Variants in TERB1 observed in about 807,000 individuals in gnomAD.
TERB1 encodes telomere repeats-binding bouquet formation protein 1.
A neutral mutation model predicts 92.3 loss-of-function variants in TERB1; 63 were observed. The observed-to-expected ratio is 0.68, with a 90% CI of 0.56 to 0.84. The LOEUF is 0.84. Ranked by LOEUF, TERB1 falls within the 40% of genes least tolerant of loss-of-function variation. The pLI is 0.00. For synonymous variants in TERB1, 252 were observed against 283.9 expected (o/e 0.89, Z 1.13); for missense variants, 709 against 843.7 (o/e 0.84, Z 1.98).
chr16:66,772,838 C>T, intron 12 of TERB1, 89 bp from the exon 13 acceptor site: 1 of 1,028,520 alleles, frequency 9.7e-7, no homozygotes, highest in South Asian at 1.8e-5. Flanking sequence ...TCTCCTTTCT[C>T]TAAATTTTTC....
intron 6 of TERB1, 124 bp from the exon 7 acceptor site, chr16:66,786,409 A>G: frequency 1.5e-6 from 1 of 678,254 alleles, no homozygotes; most frequent in Non-Finnish European, 2.5e-6. Flanking sequence ...ACAAAGTATA[A>G]CATAGAATTA....
chr16:66,762,550 A>T (rs1019435305), intron 16 of TERB1, among the ~76,000 whole-genome samples: 7 of 151,764 alleles, frequency 4.6e-5, no homozygotes, highest in Admixed American at 3.9e-4. Context: ...ACACCTGGCT[A>T]ATTTTTTATT....
At chr16:66,772,844 T>G in intron 12 of TERB1, 95 bp from the exon 13 acceptor site, 1 of 984,480 alleles carries the variant, frequency 1.0e-6, no homozygotes, top group Non-Finnish European at 1.5e-6. Context: ...TTCTCTAAAT[T>G]TTTCCATCCA....
At chr16:66,796,700 C>G in intron 3 of TERB1, 68 bp downstream of exon 3, 1 of 1,065,190 alleles carries the variant, frequency 9.4e-7, no homozygotes, top group East Asian at 2.6e-5. Flanking sequence ...TGGATCCTGT[C>G]AGATAATCTA....
intron 9 of TERB1, among the ~76,000 whole-genome samples, chr16:66,784,277 T>C (rs1316238117): frequency 6.6e-6 from 1 of 152,138 alleles, no homozygotes; most frequent in Non-Finnish European, 1.5e-5. Flanking sequence ...ATGCTTATTT[T>C]AACTTACTTG....
At chr16:66,801,856 A>G (rs962505148), upstream of TERB1, among the ~76,000 whole-genome samples, 4 of 152,206 alleles carry the variant, frequency 2.6e-5, no homozygotes, top group Admixed American at 6.5e-5. Flanking sequence ...AGGCCTGGCT[A>G]TGGGACGGTG....
At chr16:66,771,675 A>G (rs1208302717) in intron 13 of TERB1, among the ~76,000 whole-genome samples, 2 of 137,054 alleles carry the variant, frequency 1.5e-5, no homozygotes, top group Non-Finnish European at 3.1e-5. Context: ...ACACACACAC[A>G]CACACGGGTA....
At chr16:66,759,797 C>CAAA (rs762588462) in intron 16 of TERB1, among the ~76,000 whole-genome samples, 7 of 30,718 alleles carry the variant, frequency 2.3e-4, no homozygotes, top group African/African-American at 8.6e-4. Context: ...GACTCTGTCT[C>CAAA]AAAAAAAAAA....
intron 17 of TERB1, 72 bp downstream of exon 17, chr16:66,759,069 T>C: frequency 7.9e-7 from 1 of 1,260,574 alleles, no homozygotes; most frequent in Non-Finnish European, 1.1e-6. Context: ...GTTTTTAATA[T>C]ATTTAATGCT....
intron 12 of TERB1, among the ~76,000 whole-genome samples, chr16:66,774,683 C>CCTTTTTT (rs386384962): frequency 2.5e-5 from 1 of 40,218 alleles, no homozygotes; most frequent in Admixed American, 2.9e-4. Flanking sequence ...CTCTGATTTT[C>CCTTTTTT]TTTTTTTTTT....
chr16:66,754,912 A>C lies in TERB1; in HGVS notation c.*64T>G. ...TCATGAGAGTTTAGAAAAATACTTT[A>C]AATGTATCTTTCAAGGCACTGTATT... On this transcript the variant is annotated 3_prime_UTR_variant, in exon 19 of 19. Coordinates refer to ENST00000433154, the MANE Select transcript of TERB1 (RefSeq NM_001136505.2). The C allele has an allele frequency of 7.3e-7, 1 of 1,362,958 alleles. No individual in the cohort carries two copies. Among genetic ancestry groups the C allele is most frequent in the Non-Finnish European group, 1.0e-6 (1 of 999,732 alleles). The allele number at this position is 1,362,958 out of a possible 1,614,324, so 84.4% of individuals were successfully genotyped here.
intron 2 of TERB1, among the ~76,000 whole-genome samples, chr16:66,799,248 G>T (rs1414164036): frequency 6.6e-6 from 1 of 151,670 alleles, no homozygotes; most frequent in Non-Finnish European, 1.5e-5. Context: ...TTTTTCTTTG[G>T]ATGGAGTCTC....
intron 9 of TERB1, among the ~76,000 whole-genome samples, chr16:66,784,142 T>C (rs1287203153): frequency 6.6e-6 from 1 of 152,218 alleles, no homozygotes; most frequent in Non-Finnish European, 1.5e-5. Context: ...CTGAGCTTTC[T>C]CTCATTACTT....
At chr16:66,758,869 T>C (rs1239587162) in intron 17 of TERB1, 31 bp from the exon 18 acceptor site, 4 of 1,391,220 alleles carry the variant, frequency 2.9e-6, no homozygotes, top group Non-Finnish European at 3.0e-6. Flanking sequence ...TTAGCACATT[T>C]AGCGTATCAA....
chr16:66,777,110 T>A, intron 11 of TERB1, 93 bp downstream of exon 11: 1 of 1,221,360 alleles, frequency 8.2e-7, no homozygotes, highest in Non-Finnish European at 1.1e-6. Flanking sequence ...GCAATACTTT[T>A]AAGACCTTCA....
intron 3 of TERB1, among the ~76,000 whole-genome samples, chr16:66,795,260 A>C (rs1482132611): frequency 6.6e-6 from 1 of 152,146 alleles, no homozygotes; most frequent in Non-Finnish European, 1.5e-5. Context: ...ATTAGATACC[A>C]CTTCACCCTG....
At chr16:66,762,704 G>A (rs1350907887) in intron 16 of TERB1, among the ~76,000 whole-genome samples, 1 of 147,764 alleles carries the variant, frequency 6.8e-6, no homozygotes, top group African/African-American at 2.5e-5. Flanking sequence ...TTTTTTCTGA[G>A]ATAGTGTCTC....
intron 17 of TERB1, 129 bp downstream of exon 17, chr16:66,759,012 T>C: frequency 1.0e-5 from 10 of 997,932 alleles, no homozygotes; most frequent in Admixed American, 3.0e-5. Context: ...CTTCAATTAC[T>C]TGTTGCTTAG....
intron 2 of TERB1, among the ~76,000 whole-genome samples, chr16:66,798,120 A>G (rs1247302902): frequency 6.6e-6 from 1 of 151,968 alleles, no homozygotes; most frequent in African/African-American, 2.4e-5. Context: ...TGTTTAAAGA[A>G]ATAACAAATG....
Sources: gnomAD v4.1 joint callset for allele counts (sites outside exome capture counted in the v4.1 genomes callset) on GRCh38, gnomAD v4.1.1 for gene constraint, MANE v1.5 for transcripts, NCBI Gene and HGNC (gene_info 2026-07-23, HGNC 2026-07-21) for gene names.